MSANTD3: variants seen among roughly 807,000 people sequenced by gnomAD.
MSANTD3 encodes the protein Myb/SANT DNA binding domain containing 3.
Under a neutral mutation model 27.7 loss-of-function variants are expected in MSANTD3, and 11 were observed. The observed-to-expected ratio is 0.40, with a 90% CI of 0.25 to 0.66. MSANTD3 has a LOEUF of 0.66. MSANTD3 is among the 30% of genes least tolerant of loss of function. MSANTD3 has a pLI of 0.41. For missense variants in MSANTD3, 250 were observed against 336.5 expected, an observed-to-expected ratio of 0.74 and a Z score of 2.01; for synonymous variants, 131 against 127.2, an observed-to-expected ratio of 1.03 and a Z score of -0.20.
At chr9:100,427,943 G>T (rs138044560) in intron 1 of MSANTD3, among the ~76,000 whole-genome samples, 1 of 152,038 alleles carries the variant, frequency 6.6e-6, no homozygotes, top group African/African-American at 2.4e-5. Flanking sequence ...TTAGAGGCGG[G>T]GGTCGGGGGG....
chr9:100,435,840 A>ATATTT (rs1836467453), intron 1 of MSANTD3, among the ~76,000 whole-genome samples: 1 of 152,218 alleles, frequency 6.6e-6, no homozygotes, highest in Non-Finnish European at 1.5e-5. Context: ...GTCCCCAAAT[A>ATATTT]CAACCACTAG....
intron 1 of MSANTD3, among the ~76,000 whole-genome samples, chr9:100,436,183 G>T (rs1836474122): frequency 6.6e-6 from 1 of 152,040 alleles, no homozygotes; most frequent in East Asian, 1.9e-4. Flanking sequence ...TGTTGTCCAG[G>T]CTGAAGTGGG....
intron 2 of MSANTD3, chr9:100,449,300 C>T (rs1836828074): frequency 1.8e-5 from 17 of 956,474 alleles, no homozygotes; most frequent in Non-Finnish European, 2.1e-5. Flanking sequence ...TCCATATACT[C>T]TTCCCTTTAT....
At chr9:100,434,759 C>A (rs1836441675) in intron 1 of MSANTD3, among the ~76,000 whole-genome samples, 1 of 152,142 alleles carries the variant, frequency 6.6e-6, no homozygotes, top group African/African-American at 2.4e-5. Context: ...TTTGTCCTCT[C>A]TTCTGGTGTC....
chr9:100,446,916 A>G (rs1836767391), intron 2 of MSANTD3, among the ~76,000 whole-genome samples: 1 of 151,832 alleles, frequency 6.6e-6, no homozygotes, highest in Non-Finnish European at 1.5e-5. Flanking sequence ...GCATGCATCC[A>G]CACATCTTAT....
intron 1 of MSANTD3, among the ~76,000 whole-genome samples, chr9:100,433,510 T>C (rs35656901): frequency 0.032 from 4,825 of 152,192 alleles, 99 homozygotes; most frequent in Middle Eastern, 0.037. Context: ...GCTGGGGCTA[T>C]AGGCACATGC....
chr9:100,446,415 G>A (rs552549502), intron 2 of MSANTD3, among the ~76,000 whole-genome samples: 11 of 151,960 alleles, frequency 7.2e-5, no homozygotes, highest in Admixed American at 3.3e-4. Flanking sequence ...TCATTCTAAC[G>A]CGCTTGCATA....
At chr9:100,448,584 C>T (rs1410474911) in intron 2 of MSANTD3, 1 of 985,302 alleles carries the variant, frequency 1.0e-6, no homozygotes, top group African/African-American at 1.7e-5. Flanking sequence ...ACCCCATACA[C>T]ATTTCTTACA....
intron 1 of MSANTD3, among the ~76,000 whole-genome samples, chr9:100,438,216 A>AT (rs1376635065): frequency 6.6e-6 from 1 of 152,180 alleles, no homozygotes; most frequent in East Asian, 1.9e-4. Context: ...ATGAAGTGAC[A>AT]TTTTTTACTT....
At chr9:100,435,567 G>A (rs1836462354) in intron 1 of MSANTD3, among the ~76,000 whole-genome samples, 1 of 152,212 alleles carries the variant, frequency 6.6e-6, no homozygotes, top group African/African-American at 2.4e-5. Flanking sequence ...GATTCTTGCA[G>A]TTCTAGAGGC....
chr9:100,429,777 A>T (rs555399681), intron 1 of MSANTD3: 1 of 151,516 alleles, frequency 6.6e-6, no homozygotes, highest in South Asian at 2.1e-4. Context: ...ATCTCGGCTC[A>T]CTGCAGTCTC....
rs202215981 is a variant in MSANTD3 at position 100,442,340 on chromosome 9, C to A, written c.402C>A (p.Pro134=). ...CGGAGGAGGAGCCCGAATACCACCC[C>A]GACGCCTCAGCCCAAGGTATCCGTT... The part of the protein sequence containing the change: ...SPPEEEPEYH[P]DASAQESFAV... Residue 134 remains proline, a synonymous_variant, in exon 2 of 3, where the codon CCC becomes CCA. Transcript: ENST00000395067. The A allele has an allele frequency of 7.4e-6, 12 of 1,611,972 alleles. No homozygotes were observed. The highest frequency in any genetic ancestry group is 6.7e-5 in the Admixed American group (4 of 59,970).
intron 2 of MSANTD3, among the ~76,000 whole-genome samples, chr9:100,442,662 A>G (rs1836655841): frequency 6.6e-6 from 1 of 152,012 alleles, no homozygotes; most frequent in Non-Finnish European, 1.5e-5. Flanking sequence ...AGAAAAAATT[A>G]GCTGGGCATG....
At chr9:100,449,085 G>A (rs542116887) in intron 2 of MSANTD3, 2 of 985,248 alleles carry the variant, frequency 2.0e-6, no homozygotes, top group African/African-American at 1.7e-5. Flanking sequence ...TAATAAATTG[G>A]CATTGTTTTT....
Position 100,445,101 on chromosome 9 carries a change from T to G in MSANTD3, c.418+2745T>G, listed in dbSNP as rs530378411. 65 of 882,332 alleles carry G rather than the reference T, an allele frequency of 7.4e-5. No individual in the cohort carries two copies. In the African/African-American group the frequency reaches 1.0e-3, roughly 14 times the overall value. The allele number at this position is 882,332 out of a possible 1,614,324, so 54.7% of individuals were successfully genotyped here. A position where few individuals can be genotyped will look rare whatever the true frequency, so the allele number is the denominator to read the frequency against. On this transcript the variant is annotated intron_variant, in intron 2 of 2. Transcript: ENST00000395067. ...AAGGTAATCTGTTAATACTAGTAGG[T>G]AGGGTACTGGTACTCTTTCTATACA... is the stretch of plus-strand genomic sequence containing the variant.
chr9:100,439,343 G>A (rs905271511), intron 1 of MSANTD3, among the ~76,000 whole-genome samples: 3 of 152,096 alleles, frequency 2.0e-5, no homozygotes, highest in Non-Finnish European at 4.4e-5. Context: ...TTAGTGTACT[G>A]TAAACTTAAA....
chr9:100,445,490 T>A (rs527364091), intron 2 of MSANTD3, among the ~76,000 whole-genome samples: 1 of 152,328 alleles, frequency 6.6e-6, no homozygotes, highest in East Asian at 1.9e-4. Flanking sequence ...TATTGTTACA[T>A]GTTGAAACAA....
At chr9:100,449,053 G>C in intron 2 of MSANTD3, 1 of 985,228 alleles carries the variant, frequency 1.0e-6, no homozygotes, top group Non-Finnish European at 1.2e-6. Context: ...CGGAGTGGAC[G>C]TAATAATGTA....
intron 2 of MSANTD3, among the ~76,000 whole-genome samples, chr9:100,447,966 C>T (rs1024274816): frequency 6.6e-5 from 10 of 151,916 alleles, no homozygotes; most frequent in African/African-American, 1.7e-4. Context: ...CAAGGCGGGC[C>T]GATTGCTTGA....
Sources: gnomAD v4.1 joint callset for allele counts (sites outside exome capture counted in the v4.1 genomes callset) on GRCh38, gnomAD v4.1.1 for gene constraint, MANE v1.5 for transcripts, NCBI Gene and HGNC (gene_info 2026-07-23, HGNC 2026-07-21) for gene names.